SEMA5A: variants seen among roughly 807,000 people sequenced by gnomAD.
SEMA5A encodes the protein semaphorin 5A.
A neutral mutation model predicts 135.5 loss-of-function variants in SEMA5A; 55 were observed. The observed-to-expected ratio is 0.41, with a 90% CI of 0.33 to 0.51. The LOEUF (loss-of-function observed/expected upper bound fraction) is 0.51. SEMA5A is among the 20% of genes least tolerant of loss of function. The pLI is 0.37. For missense variants in SEMA5A, 1,290 were observed against 1,419.9 expected, an observed-to-expected ratio of 0.91 and a Z score of 1.47; for synonymous variants, 580 against 546.5, an observed-to-expected ratio of 1.06 and a Z score of -0.85.
At chr5:9,154,272 T>A (rs920688146) in intron 12 of SEMA5A, among the ~76,000 whole-genome samples, 9 of 151,626 alleles carry the variant, frequency 5.9e-5, no homozygotes, top group Admixed American at 4.6e-4. Context: ...ACAGGTATTA[T>A]AACGTGGCTC....
At chr5:9,533,030 T>A (rs1737545419) in intron 1 of SEMA5A, among the ~76,000 whole-genome samples, 1 of 152,238 alleles carries the variant, frequency 6.6e-6, no homozygotes, top group African/African-American at 2.4e-5. Context: ...AAATAGAGGT[T>A]ATTCTTTTGT....
At chr5:9,493,021 G>A (rs936179007) in intron 1 of SEMA5A, among the ~76,000 whole-genome samples, 7 of 152,112 alleles carry the variant, frequency 4.6e-5, no homozygotes, top group Non-Finnish European at 8.8e-5. Context: ...AACTCTGGGT[G>A]ATGATGATGT....
chr5:9,431,244 C>A (rs1037561487), intron 2 of SEMA5A, among the ~76,000 whole-genome samples: 1 of 151,926 alleles, frequency 6.6e-6, no homozygotes, highest in African/African-American at 2.4e-5. Context: ...ATAAGGGTAC[C>A]CCAATTTATA....
chr5:9,522,945 C>T (rs1459467784), intron 1 of SEMA5A: 1 of 152,144 alleles, frequency 6.6e-6, no homozygotes, highest in Non-Finnish European at 1.5e-5. Flanking sequence ...TTTTACTTCT[C>T]TAAATGATGA....
At chr5:9,518,707 T>A (rs1262507991) in intron 1 of SEMA5A, among the ~76,000 whole-genome samples, 1 of 152,180 alleles carries the variant, frequency 6.6e-6, no homozygotes, top group African/African-American at 2.4e-5. Flanking sequence ...CAGATGTTAC[T>A]TCCTTTTCAG....
At chr5:9,403,692 A>G (rs1756761809) in intron 2 of SEMA5A, among the ~76,000 whole-genome samples, 1 of 152,190 alleles carries the variant, frequency 6.6e-6, no homozygotes, top group African/African-American at 2.4e-5. Flanking sequence ...CTGAAAAATG[A>G]GCCAATCCTC....
chr5:9,379,193 C>A (rs1235444456), intron 3 of SEMA5A, among the ~76,000 whole-genome samples: 1 of 152,170 alleles, frequency 6.6e-6, no homozygotes, highest in East Asian at 1.9e-4. Flanking sequence ...ATGTCTCATT[C>A]ATCATATTTA....
chr5:9,456,558 T>C (rs1758843286), intron 1 of SEMA5A, among the ~76,000 whole-genome samples: 1 of 152,152 alleles, frequency 6.6e-6, no homozygotes, highest in South Asian at 2.1e-4. Context: ...AAAAAGCAGA[T>C]GTGTCATGGC....
rs146124699 is a variant in SEMA5A, at chr5:9,161,595, T to A, written c.1274-6900A>T. ...TCCATTTCAGTTCATACTAACCACA[T>A]TTCAGCTGGCCAGAGACACATTTCA... On this transcript the variant is annotated intron_variant, in intron 11 of 22. Coordinates refer to ENST00000382496, the MANE Select transcript of SEMA5A (RefSeq NM_003966.3). 2.9e-3 allele frequency among the ~76,000 whole-genome samples: 441 copies of A among 152,328 alleles called. 7 individuals are homozygous for A. The highest frequency in any genetic ancestry group is 0.021 in the East Asian group (111 of 5,184).
rs1394859653 is a variant in SEMA5A, at chr5:9,226,946, G to A, written c.355C>T (p.Arg119Trp). Reference protein sequence around the residue: ...KSKEECQNYIRVLLVGGDRLF... With the variant: ...KSKEECQNYIWVLLVGGDRLF... Reference sequence around the variant, plus strand: ...CGGTCGCCACCCACCAGAAGCACCCGGATGTAGTTCTGACATTCCTCCTGA... The same window carrying A: ...CGGTCGCCACCCACCAGAAGCACCCAGATGTAGTTCTGACATTCCTCCTGA... Residue 119 changes from arginine (R) to tryptophan (W), a missense_variant, in exon 7 of 23, where the codon CGG becomes TGG. Arg to Trp is a moderately radical substitution (Grantham distance 101). Around this residue, in one of 3 missense-constraint regions of SEMA5A, gnomAD observed 145 missense variants for 212.0 expected, o/e 0.68. Transcript: ENST00000382496. 3 of 1,555,564 alleles carry A rather than the reference G, an allele frequency of 1.9e-6. No homozygotes were observed. The highest frequency in any genetic ancestry group is 2.4e-5 in the East Asian group (1 of 41,734).
At chr5:9,154,065 AT>A (rs1560967884) in intron 12 of SEMA5A, among the ~76,000 whole-genome samples, 1,825 of 46,784 alleles carry the variant, frequency 0.039, 42 homozygotes, top group Non-Finnish European at 0.075. Flanking sequence ...AAAAAAAAAT[AT>A]ATATATATAT....
intron 5 of SEMA5A, among the ~76,000 whole-genome samples, chr5:9,259,118 G>A (rs1047525250): frequency 8.5e-5 from 13 of 152,144 alleles, no homozygotes; most frequent in South Asian, 4.1e-4. Context: ...CACCAGGCCC[G>A]GCCCCATTAT....
intron 9 of SEMA5A, among the ~76,000 whole-genome samples, chr5:9,199,818 C>T (rs1442018892): frequency 6.6e-6 from 1 of 152,154 alleles, no homozygotes. Context: ...TCTTTAGAGA[C>T]TCCATTGTAG....
intron 14 of SEMA5A, among the ~76,000 whole-genome samples, chr5:9,122,196 C>A (rs958183126): frequency 6.6e-6 from 1 of 152,170 alleles, no homozygotes; most frequent in African/African-American, 2.4e-5. Context: ...CTTATTTAAA[C>A]TGCTCTCTTG....
At position 9,044,404 on chromosome 5, in the gene SEMA5A, A is replaced by G. The variant is rs1736126486; in HGVS notation, c.3074T>C (p.Leu1025Pro). ...GGCCTCCACCGAGTCGTACTTGTCC[A>G]GTTTGTTGATGTGGTTGGTTATGCT... ...NTSITNHINK[L>P]DKYDSVEAIK... Residue 1025 changes from leucine to proline, a missense_variant, in exon 22 of 23, where the codon CTG (leucine) becomes CCG (proline). Around this residue, in one of 3 missense-constraint regions of SEMA5A, gnomAD observed 1,029 missense variants for 1,086.6 expected, o/e 0.95. Coordinates refer to ENST00000382496, the MANE Select transcript of SEMA5A (RefSeq NM_003966.3). The G allele has an allele frequency of 6.2e-7, 1 of 1,613,640 alleles. No individual in the cohort carries two copies. Among genetic ancestry groups the G allele is most frequent in the African/African-American group, 1.3e-5 (1 of 74,988 alleles).
At chr5:9,502,476 C>T (rs1286326614) in intron 1 of SEMA5A, among the ~76,000 whole-genome samples, 1 of 152,174 alleles carries the variant, frequency 6.6e-6, no homozygotes, top group Non-Finnish European at 1.5e-5. Flanking sequence ...CTGACAGTAT[C>T]CCAGCAAAAA....
chr5:9,221,456 C>A (rs1014208856), intron 8 of SEMA5A, among the ~76,000 whole-genome samples: 1 of 151,686 alleles, frequency 6.6e-6, no homozygotes, highest in African/African-American at 2.4e-5. Context: ...GCGCCCACCA[C>A]CACGCCCGGC....
At chr5:9,373,700 C>T (rs528873165) in intron 3 of SEMA5A, among the ~76,000 whole-genome samples, 1 of 152,300 alleles carries the variant, frequency 6.6e-6, no homozygotes, top group East Asian at 1.9e-4. Context: ...TAATCTTAGG[C>T]ATTAATGCTA....
intron 5 of SEMA5A, among the ~76,000 whole-genome samples, chr5:9,316,694 T>C (rs748172243): frequency 1.3e-5 from 2 of 152,176 alleles, no homozygotes; most frequent in Non-Finnish European, 2.9e-5. Flanking sequence ...ATATTGATAG[T>C]GTACAACATG....
Sources: allele counts gnomAD v4.1 joint callset (sites outside exome capture counted in the v4.1 genomes callset), GRCh38; gene constraint gnomAD v4.1.1; regional missense constraint gnomAD v4.1.1; transcripts MANE v1.5; gene names NCBI Gene and HGNC (gene_info 2026-07-23, HGNC 2026-07-21).